Variants in OIT3 observed in about 807,000 individuals in gnomAD.
The protein encoded by OIT3 is oncoprotein induced transcript 3.
Under a neutral mutation model 52.2 loss-of-function variants are expected in OIT3, and 41 were observed. The observed-to-expected ratio is 0.79, with a 90% CI of 0.61 to 1.02. OIT3 has a LOEUF of 1.02. Among genes scored for constraint, OIT3 ranks in the 50% least tolerant of loss-of-function variants. The pLI, the probability that OIT3 is intolerant of heterozygous loss-of-function variation, is 0.00. For synonymous variants in OIT3, 244 were observed against 276.9 expected, an observed-to-expected ratio of 0.88 and a Z score of 1.18; for missense variants, 634 against 715.5, an observed-to-expected ratio of 0.89 and a Z score of 1.30.
chr10:72,918,359 A>G, intron 6 of OIT3: 1 of 768,946 alleles, frequency 1.3e-6, no homozygotes, highest in Non-Finnish European at 2.4e-6. Flanking sequence ...CTGCTTCAAC[A>G]ATGTGCAATT....
chr10:72,913,550 C>A, intron 6 of OIT3, 82 bp downstream of exon 6: 3 of 1,091,284 alleles, frequency 2.7e-6, no homozygotes, highest in Non-Finnish European at 1.4e-6. Context: ...TGCCATGTGG[C>A]TTGTGTCATC....
At chr10:72,908,113 G>A (rs1845996090) in intron 4 of OIT3, among the ~76,000 whole-genome samples, 1 of 151,962 alleles carries the variant, frequency 6.6e-6, no homozygotes, top group South Asian at 2.1e-4. Flanking sequence ...CGTGGTGGCG[G>A]GCGCCTGTAA....
chr10:72,910,505 CA>C (rs1846020091), intron 4 of OIT3, among the ~76,000 whole-genome samples: 1 of 151,070 alleles, frequency 6.6e-6, no homozygotes, highest in South Asian at 2.1e-4. Flanking sequence ...AATACAAAAA[CA>C]AAAAACAAAA....
At position 72,906,690 on chromosome 10, in the gene OIT3, G is replaced by A. The variant is rs1281410756; in HGVS notation, c.639G>A (p.Val213=). ...GCTGTGAGTGTGGGGTTGGCCGTGT[G>A]CTAAGAAGTGATGGCAAGACTTGTG... is the stretch of plus-strand genomic sequence containing the variant. ...SYRCECGVGR[V]LRSDGKTCED... is the part of the protein sequence containing the mutation. The change falls in exon 4 of 9, where the codon GTG becomes GTA. Residue 213 remains valine, a synonymous_variant. Transcript: ENST00000334011. 6.2e-7 allele frequency: 1 copy of A among 1,603,246 alleles called. No homozygotes were observed. The highest frequency in any genetic ancestry group is 1.7e-5 in the Admixed American group (1 of 58,494).
Position 72,906,819 on chromosome 10 carries a change from C to T in OIT3, c.667+101C>T, listed in dbSNP as rs148362332. The T allele has an allele frequency of 5.6e-4, 648 of 1,156,454 alleles. 8 individuals are homozygous for T. The African/African-American group carries it at 9.7e-3, about 17-fold the overall frequency. The allele number at this position is 1,156,454 out of a possible 1,614,324, so 71.6% of individuals were successfully genotyped here. A position where few individuals can be genotyped will look rare whatever the true frequency, so the allele number is the denominator to read the frequency against. On this transcript the variant is annotated intron_variant, in intron 4 of 8. Coordinates refer to ENST00000334011, the MANE Select transcript of OIT3 (RefSeq NM_152635.3). ...CTGCCTTAGTGTCCGAAGAGAGCAACCGTTTGGCTGTGCAAAGAAATGACA... is the reference window on the plus strand; with the variant it reads ...CTGCCTTAGTGTCCGAAGAGAGCAATCGTTTGGCTGTGCAAAGAAATGACA...
intron 7 of OIT3, among the ~76,000 whole-genome samples, chr10:72,926,050 C>T (rs1406678339): frequency 6.6e-6 from 1 of 152,192 alleles, no homozygotes; most frequent in East Asian, 1.9e-4. Flanking sequence ...ACACTCAAAC[C>T]CAAATTCATA....
At chr10:72,923,222 G>T (rs762252113) in intron 6 of OIT3, among the ~76,000 whole-genome samples, 3 of 152,188 alleles carry the variant, frequency 2.0e-5, no homozygotes, top group Non-Finnish European at 4.4e-5. Context: ...CTGTAGGGCT[G>T]CTGTGGTTTG....
chr10:72,924,359 T>G lies in OIT3; in HGVS notation c.1082T>G (p.Leu361Arg). ...LIPVTCEFPR[L>R]YTISEGYVPN... Reference sequence around the variant, plus strand: ...CCGGTGACCTGCGAGTTTCCACGCCTGTACACCATTTCTGAAGGATACGTT... The same window carrying G: ...CCGGTGACCTGCGAGTTTCCACGCCGGTACACCATTTCTGAAGGATACGTT... Residue 361 changes from leucine (L) to arginine (R), a missense_variant, in exon 7 of 9, where the codon CTG becomes CGG. Physicochemically the swap from Leu to Arg is moderately radical, Grantham distance 102. Transcript: ENST00000334011. 6.2e-7 allele frequency: 1 copy of G among 1,614,110 alleles called. No individual in the cohort carries two copies. Among genetic ancestry groups the G allele is most frequent in the Non-Finnish European group, 8.5e-7 (1 of 1,180,014 alleles).
chr10:72,932,249 G>T, intron 8 of OIT3, 105 bp from the exon 9 acceptor site: 1 of 1,017,014 alleles, frequency 9.8e-7, no homozygotes. Flanking sequence ...TCCTTGTTAA[G>T]ATTACATGAC....
At chr10:72,915,632 T>C (rs1277320907) in intron 6 of OIT3, among the ~76,000 whole-genome samples, 1 of 152,194 alleles carries the variant, frequency 6.6e-6, no homozygotes, top group African/African-American at 2.4e-5. Flanking sequence ...CCATTTTCCC[T>C]GTAAGGATCT....
intron 5 of OIT3, 149 bp from the exon 6 acceptor site, chr10:72,913,159 T>C: frequency 1.7e-6 from 1 of 588,860 alleles, no homozygotes; most frequent in Non-Finnish European, 3.0e-6. Context: ...AGAATAGTGG[T>C]TTTATTCACC....
chr10:72,929,722 TAATA>T (rs1352833595), intron 7 of OIT3, among the ~76,000 whole-genome samples: 2 of 152,092 alleles, frequency 1.3e-5, no homozygotes, highest in African/African-American at 4.8e-5. Flanking sequence ...TTTGTATTAT[TAATA>T]GAGACGGGTT....
chr10:72,899,535 C>T (rs891815469), intron 2 of OIT3, among the ~76,000 whole-genome samples: 4 of 146,812 alleles, frequency 2.7e-5, no homozygotes, highest in Non-Finnish European at 6.0e-5. Flanking sequence ...GTGGACGTTG[C>T]GGTGAGGCGA....
intron 3 of OIT3, among the ~76,000 whole-genome samples, chr10:72,905,073 G>T (rs1269350483): frequency 3.3e-5 from 5 of 152,158 alleles, no homozygotes; most frequent in Non-Finnish European, 5.9e-5. Flanking sequence ...AATAGAGCAA[G>T]AACTCACTTA....
intron 8 of OIT3, among the ~76,000 whole-genome samples, chr10:72,932,062 G>A (rs1407106819): frequency 6.6e-6 from 1 of 152,192 alleles, no homozygotes; most frequent in Non-Finnish European, 1.5e-5. Context: ...GCTTCACAAA[G>A]GTCTCTTCTG....
At chr10:72,927,469 G>A (rs1846179682) in intron 7 of OIT3, among the ~76,000 whole-genome samples, 1 of 152,180 alleles carries the variant, frequency 6.6e-6, no homozygotes, top group African/African-American at 2.4e-5. Context: ...ACAGTTCTAA[G>A]AAGCTGCGCT....
intron 2 of OIT3, 134 bp downstream of exon 2, chr10:72,899,172 T>C (rs1409377302): frequency 1.4e-6 from 1 of 726,934 alleles, no homozygotes; most frequent in Non-Finnish European, 2.2e-6. Flanking sequence ...GGGCTAAAGA[T>C]ACCTCTGATT....
rs1053976859 is a variant in OIT3 at position 72,896,299 on chromosome 10, C to G, written c.62-2365C>G. On this transcript the variant is annotated intron_variant, in intron 1 of 8. Coordinates refer to ENST00000334011, the MANE Select transcript of OIT3 (RefSeq NM_152635.3). ...AGAGGAATCAAATATTTCTATGACT[C>G]TGTAATCACCTGTGAAACTGCTCTG... Among the ~76,000 whole-genome samples, 11 of 152,270 alleles carry G rather than the reference C, an allele frequency of 7.2e-5. 1 individual carries two copies. In the South Asian group the frequency reaches 2.3e-3, roughly 32 times the overall value.
chr10:72,926,944 C>T (rs1004687299), intron 7 of OIT3, among the ~76,000 whole-genome samples: 1 of 151,924 alleles, frequency 6.6e-6, no homozygotes, highest in Non-Finnish European at 1.5e-5. Context: ...CCCATGAAGC[C>T]ATCACAATAA....
Sources: gnomAD v4.1 joint callset for allele counts (sites outside exome capture counted in the v4.1 genomes callset) on GRCh38, gnomAD v4.1.1 for gene constraint, MANE v1.5 for transcripts, NCBI Gene and HGNC (gene_info 2026-07-23, HGNC 2026-07-21) for gene names.